Variants in CSPG4 observed in about 807,000 individuals in gnomAD.
CSPG4 encodes the protein chondroitin sulfate proteoglycan 4 (melanoma-associated).
Under a neutral mutation model 139.3 loss-of-function variants are expected in CSPG4, and 74 were observed. That is an observed-to-expected ratio of 0.53 (90% CI 0.44 to 0.64). The LOEUF is 0.64. CSPG4 is among the 30% of genes least tolerant of loss of function. CSPG4 has a pLI of 0.00. For missense variants in CSPG4, 2,565 were observed against 3,148.3 expected, an observed-to-expected ratio of 0.81 and a Z score of 4.43; for synonymous variants, 1,234 against 1,394.2, an observed-to-expected ratio of 0.89 and a Z score of 2.56.
rs775870127 is a variant in CSPG4 at position 75,690,142 on chromosome 15, G to A, written c.923C>T (p.Ser308Leu). 15 of 1,612,978 alleles carry A rather than the reference G, an allele frequency of 9.3e-6. No homozygotes were observed. Among genetic ancestry groups the A allele is most frequent in the African/African-American group, 4.0e-5 (3 of 74,932 alleles). The stretch of plus-strand genomic sequence containing the variant: ...CAGGTAGCTGAGGACTCCTCGGTTC[G>A]AAGTATGCGTAGGGTACTGGTCCAC... ...ISVDQYPTHT[S>L]NRGVLSYLEP... is the part of the protein sequence containing the mutation. Residue 308 changes from serine (S) to leucine (L), a missense_variant, in exon 3 of 10, where the codon TCG becomes TTG. Physicochemically the swap from Ser to Leu is moderately radical, Grantham distance 145. Coordinates refer to ENST00000308508, the MANE Select transcript of CSPG4 (RefSeq NM_001897.5).
In CSPG4 at chr15:75,710,667, C is replaced by T. The variant is rs181416201; in HGVS notation, c.88+2001G>A. ...AGTAGAGGGAGAGCCTCCCAGCACGCCTCATTCGGATACGGGAGGACGAGG... is the reference window on the plus strand; with the variant it reads ...AGTAGAGGGAGAGCCTCCCAGCACGTCTCATTCGGATACGGGAGGACGAGG... On this transcript the variant is annotated intron_variant, in intron 1 of 9. Transcript: ENST00000308508. 1.4e-3 allele frequency among the ~76,000 whole-genome samples: 209 copies of T among 152,266 alleles called. 1 individual carries two copies. The highest frequency in any genetic ancestry group is 3.6e-3 in the Admixed American group (55 of 15,304).
chr15:75,712,583 T>A (rs1596015786), intron 1 of CSPG4, 85 bp downstream of exon 1: 3 of 1,348,152 alleles, frequency 2.2e-6, no homozygotes, highest in Non-Finnish European at 3.1e-6. Context: ...GGGGGCCACT[T>A]CTGGCTCCTC....
chr15:75,684,777 T>C lies in CSPG4; in HGVS notation c.4408A>G (p.Asn1470Asp), dbSNP rs1894028489. Residue 1470 changes from asparagine to aspartate, a missense_variant, in exon 5 of 10, where the codon AAT becomes GAT. By Grantham distance (23) the Asn-to-Asp change is conservative (BLOSUM62 1). Coordinates refer to ENST00000308508, the MANE Select transcript of CSPG4 (RefSeq NM_001897.5). ...VAFTVTVLPVNDQPPILTTNT... is the reference protein window; with the variant it reads ...VAFTVTVLPVDDQPPILTTNT... ...GTAGTGAGGATGGGGGGTTGGTCAT[T>C]GACAGGCAGGACAGTGACAGTGAAG... 1 of 1,613,576 alleles carries C rather than the reference T, an allele frequency of 6.2e-7. No individual in the cohort carries two copies. Among genetic ancestry groups the C allele is most frequent in the African/African-American group, 1.3e-5 (1 of 74,882 alleles).
rs148547929 is a variant in CSPG4, at chr15:75,687,630, G to A, written c.3435C>T (p.Ile1145=). The change falls in exon 3 of 10, where the codon ATC becomes ATT. Residue 1145 remains isoleucine (I), a synonymous_variant. Transcript: ENST00000308508. This position sits in a 1 kb window ranked among gnomAD's most constrained non-coding sequence, Gnocchi z 5.4. ...LVVPQGGQGT[I]DTAVLHLDTN... ...TGTCCAGGTGGAGCACGGCCGTGTCGATGGTGCCCTGGCCTCCTTGAGGGA... is the reference window on the plus strand; with the variant it reads ...TGTCCAGGTGGAGCACGGCCGTGTCAATGGTGCCCTGGCCTCCTTGAGGGA... 6.2e-6 allele frequency: 10 copies of A among 1,612,258 alleles called. No individual in the cohort carries two copies. The African/African-American group carries it at 6.7e-5, about 11-fold the overall frequency.
chr15:75,687,712 A>G lies in CSPG4; in HGVS notation c.3353T>C (p.Leu1118Pro). 1.2e-6 allele frequency: 2 copies of G among 1,612,940 alleles called. No homozygotes were observed. Among genetic ancestry groups the G allele is most frequent in the Non-Finnish European group, 8.5e-7 (1 of 1,179,970 alleles). The change falls in exon 3 of 10, where the codon CTG (leucine) becomes CCG (proline). Residue 1118 changes from leucine to proline, a missense_variant. By Grantham distance (98) the Leu-to-Pro change is moderately conservative. This residue lies in a region of CSPG4 where 2,316 missense variants were observed against 2,818.2 expected (regional missense o/e 0.82). Coordinates refer to ENST00000308508, the MANE Select transcript of CSPG4 (RefSeq NM_001897.5). The surrounding 1 kb of genome is among the most constrained non-coding windows in gnomAD (Gnocchi z 5.4). ...GTAGGGTTCCGAGGCCTGCACCTCC[A>G]GCAGCGCAGTGGCCTGGTGTTGCCC... is the stretch of plus-strand genomic sequence containing the variant. ...SDGQHQATAL[L>P]EVQASEPYLR...
In CSPG4 at chr15:75,676,148, C is replaced by T. The variant is rs772471893; in HGVS notation, c.6371G>A (p.Gly2124Glu). 1 of 1,545,150 alleles carries T rather than the reference C, an allele frequency of 6.5e-7. No individual in the cohort carries two copies. The highest frequency in any genetic ancestry group is 2.4e-5 in the East Asian group (1 of 41,408). The change falls in exon 10 of 10, where the codon GGG becomes GAG. Residue 2124 changes from glycine to glutamate, a missense_variant. By Grantham distance (98) the Gly-to-Glu change is moderately conservative (BLOSUM62 -2). Transcript: ENST00000308508. ...CCCCTCTGGCCTGCCCACCTCCAGC[C>T]CCAGCCTCCCGTCCTCAAGGTCCTG... ...TQQDLEDGRLGLEVGRPEGRA... is the reference protein window; with the variant it reads ...TQQDLEDGRLELEVGRPEGRA...
In CSPG4 at chr15:75,676,705, T is replaced by C. The variant is rs1893898369; in HGVS notation, c.5814A>G (p.Leu1938=). The C allele has an allele frequency of 1.3e-6, 2 of 1,588,774 alleles. No individual in the cohort carries two copies. The highest frequency in any genetic ancestry group is 1.7e-5 in the Admixed American group (1 of 58,254). ...GCAGCTGCACCTCGATGGCGGATGG[T>C]AGGATGTCCACAGCCAGGGACATGG... ...PLPMSLAVDI[L]PSAIEVQLRA... The change falls in exon 10 of 10, where the codon CTA becomes CTG. Residue 1938 remains leucine (L), a synonymous_variant. Transcript: ENST00000308508.
intron 1 of CSPG4, among the ~76,000 whole-genome samples, chr15:75,709,799 C>T (rs1167053197): frequency 6.6e-6 from 1 of 152,156 alleles, no homozygotes; most frequent in African/African-American, 2.4e-5. Flanking sequence ...GCATGGCCCA[C>T]CCCAGGCCCC....
intron 1 of CSPG4, among the ~76,000 whole-genome samples, chr15:75,709,987 A>T (rs999133858): frequency 1.3e-5 from 2 of 151,802 alleles, no homozygotes; most frequent in African/African-American, 4.8e-5. Context: ...CACAAGGTGC[A>T]CACAAGGCTC....
chr15:75,690,133 C>T lies in CSPG4; in HGVS notation c.932G>A (p.Gly311Glu), dbSNP rs1302564669. 1 of 1,613,006 alleles carries T rather than the reference C, an allele frequency of 6.2e-7. No homozygotes were observed. Among genetic ancestry groups the T allele is most frequent in the Non-Finnish European group, 8.5e-7 (1 of 1,179,934 alleles). Reference sequence around the variant, plus strand: ...CCGTGGCTCCAGGTAGCTGAGGACTCCTCGGTTCGAAGTATGCGTAGGGTA... The same window carrying T: ...CCGTGGCTCCAGGTAGCTGAGGACTTCTCGGTTCGAAGTATGCGTAGGGTA... ...DQYPTHTSNR[G>E]VLSYLEPRGS... is the part of the protein sequence containing the mutation. Residue 311 changes from glycine (G) to glutamate (E), a missense_variant, in exon 3 of 10, where the codon GGA (glycine) becomes GAA (glutamate). Physicochemically the swap from Gly to Glu is moderately conservative, Grantham distance 98. Coordinates refer to ENST00000308508, the MANE Select transcript of CSPG4 (RefSeq NM_001897.5).
Position 75,677,105 on chromosome 15 carries a change from T to C in CSPG4, c.5414A>G (p.Gln1805Arg). The change falls in exon 10 of 10, where the codon CAG becomes CGG. Residue 1805 changes from glutamine (Q) to arginine (R), a missense_variant. Around this residue, in one of 5 missense-constraint regions of CSPG4, gnomAD observed 2,316 missense variants for 2,818.2 expected, o/e 0.82. Transcript: ENST00000308508. ...AGCCACGGAGGCCCCTGCTGGCCCCTGGAGGTGGGCACGAAAGTGGAAGCC... is the reference window on the plus strand; with the variant it reads ...AGCCACGGAGGCCCCTGCTGGCCCCCGGAGGTGGGCACGAAAGTGGAAGCC... ...QDGFHFRAHL[Q>R]GPAGASVAGP... is the part of the protein sequence containing the mutation. 5.0e-6 allele frequency: 7 copies of C among 1,412,024 alleles called. No homozygotes were observed. The highest frequency in any genetic ancestry group is 1.7e-5 in the South Asian group (1 of 57,494). 87.5% of individuals were successfully genotyped at this position (1,412,024 alleles called of 1,614,324 possible). A position where few individuals can be genotyped will look rare whatever the true frequency, so the allele number is the denominator to read the frequency against.
At position 75,698,915 on chromosome 15, in the gene CSPG4, C is replaced by T. The variant is rs1894264664; in HGVS notation, c.89-5682G>A. Among the ~76,000 whole-genome samples, 1 of 152,118 alleles carries T rather than the reference C, an allele frequency of 6.6e-6. No individual in the cohort carries two copies. Among genetic ancestry groups the T allele is most frequent in the Non-Finnish European group, 1.5e-5 (1 of 68,006 alleles). ...ACCTGCCCAGTGATGACACTGGGGT[C>T]ACCAGGGCCCAGGCCTAGAAGGCTC... is the stretch of plus-strand genomic sequence containing the variant. On this transcript the variant is annotated intron_variant, in intron 1 of 9. Transcript: ENST00000308508. This position sits in a 1 kb window ranked among gnomAD's most constrained non-coding sequence, Gnocchi z 4.3.
At chr15:75,680,455 C>A (rs1247108540) in intron 8 of CSPG4, 1 of 152,374 alleles carries the variant, frequency 6.6e-6, no homozygotes, top group Non-Finnish European at 1.5e-5. Context: ...AAAGTATTAG[C>A]TGCTTTTTGT....
chr15:75,688,589 C>T lies in CSPG4; in HGVS notation c.2476G>A (p.Val826Ile), dbSNP rs1894101873. Residue 826 changes from valine to isoleucine, a missense_variant, in exon 3 of 10, where the codon GTT becomes ATT. By Grantham distance (29) the Val-to-Ile change is conservative. Coordinates refer to ENST00000308508, the MANE Select transcript of CSPG4 (RefSeq NM_001897.5). ...AGGTTGCCTTTCCTGGGAGCCTGAA[C>T]CACCTCATAATGGAAGGTTGGGGGG... ...PSPPTFHYEV[V>I]QAPRKGNLQL... The T allele has an allele frequency of 6.2e-7, 1 of 1,613,036 alleles. No individual in the cohort carries two copies. The highest frequency in any genetic ancestry group is 8.5e-7 in the Non-Finnish European group (1 of 1,179,976).
In CSPG4 at chr15:75,687,648, T is replaced by C. The variant is rs778752558; in HGVS notation, c.3417A>G (p.Gln1139=). The C allele has an allele frequency of 3.1e-6, 5 of 1,612,668 alleles. No homozygotes were observed. In the African/African-American group the frequency reaches 6.7e-5, roughly 22 times the overall value. Residue 1139 remains glutamine, a synonymous_variant, in exon 3 of 10, where the codon CAA becomes CAG. Coordinates refer to ENST00000308508, the MANE Select transcript of CSPG4 (RefSeq NM_001897.5). This position sits in a 1 kb window ranked among gnomAD's most constrained non-coding sequence, Gnocchi z 5.4. ...VANGSSLVVP[Q]GGQGTIDTAV... ...CCGTGTCGATGGTGCCCTGGCCTCC[T>C]TGAGGGACCACAAGGCTGGAGCCGT... is the stretch of plus-strand genomic sequence containing the variant.
At chr15:75,678,321 T>A (rs1390330523) in intron 8 of CSPG4, among the ~76,000 whole-genome samples, 1 of 152,170 alleles carries the variant, frequency 6.6e-6, no homozygotes, top group Non-Finnish European at 1.5e-5. Context: ...GCTATTCTTT[T>A]GTCTCACTTA....
At chr15:75,712,451 A>C (rs1453573234) in intron 1 of CSPG4, among the ~76,000 whole-genome samples, 1 of 152,184 alleles carries the variant, frequency 6.6e-6, no homozygotes, top group Non-Finnish European at 1.5e-5. Context: ...CTAACTGGAC[A>C]GCCTTGGCTA....
Position 75,698,277 on chromosome 15 carries a change from G to A in CSPG4, c.89-5044C>T, listed in dbSNP as rs1316095788. Among the ~76,000 whole-genome samples the A allele has an allele frequency of 2.0e-5, 3 of 151,854 alleles. No individual in the cohort carries two copies. Among genetic ancestry groups the A allele is most frequent in the Admixed American group, 6.6e-5 (1 of 15,266 alleles). ...GGGGTATTCTGGGAGGGCCAAGGCCGGGATGAAGGGCTCTCTGTCTCCCCT... is the reference window on the plus strand; with the variant it reads ...GGGGTATTCTGGGAGGGCCAAGGCCAGGATGAAGGGCTCTCTGTCTCCCCT... On this transcript the variant is annotated intron_variant, in intron 1 of 9. Coordinates refer to ENST00000308508, the MANE Select transcript of CSPG4 (RefSeq NM_001897.5). The surrounding 1 kb of genome is among the most constrained non-coding windows in gnomAD (Gnocchi z 4.3).
chr15:75,712,115 T>C (rs1373657972), intron 1 of CSPG4, among the ~76,000 whole-genome samples: 1 of 124,834 alleles, frequency 8.0e-6, no homozygotes, highest in East Asian at 2.4e-4. Context: ...TAGACGGATC[T>C]GCAAGGAAGC....
Sources: gnomAD v4.1 joint callset for allele counts (sites outside exome capture counted in the v4.1 genomes callset) on GRCh38, gnomAD v4.1.1 for gene constraint, gnomAD v4.1.1 regional missense constraint, Gnocchi (gnomAD v3.1) non-coding constraint, MANE v1.5 for transcripts, NCBI Gene and HGNC (gene_info 2026-07-23, HGNC 2026-07-21) for gene names.